The following KAT6B variants were observed in gnomAD, a reference collection of about 807,000 sequenced individuals.
KAT6B encodes the protein histone acetyltransferase KAT6B.
KAT6B carries 10 observed loss-of-function variants against 187.5 expected under a neutral mutation model. The observed-to-expected ratio is 0.05, with a 90% confidence interval of 0.03 to 0.09. KAT6B has a LOEUF of 0.09. Among genes scored for constraint, KAT6B ranks in the 10% least tolerant of loss-of-function variants. The pLI, the probability that KAT6B is intolerant of heterozygous loss-of-function variation, is 1.00. For synonymous variants in KAT6B, 861 were observed against 926.8 expected (o/e 0.93, Z 1.29); for missense variants, 1,952 against 2,558.9 (o/e 0.76, Z 5.12).
intron 3 of KAT6B, among the ~76,000 whole-genome samples, chr10:74,949,804 A>G (rs924224513): frequency 1.1e-4 from 17 of 152,196 alleles, no homozygotes; most frequent in Non-Finnish European, 2.2e-4. Flanking sequence ...TAAATGAAAA[A>G]AGAAGCGATG....
chr10:74,967,392 G>A (rs1161097549), intron 4 of KAT6B, among the ~76,000 whole-genome samples: 2 of 152,096 alleles, frequency 1.3e-5, no homozygotes, highest in African/African-American at 4.8e-5. Flanking sequence ...CGCTAAACCA[G>A]AGGTAAGGAA....
intron 4 of KAT6B, among the ~76,000 whole-genome samples, chr10:74,961,581 T>C (rs1841098886): frequency 6.6e-6 from 1 of 152,216 alleles, no homozygotes; most frequent in South Asian, 2.1e-4. Flanking sequence ...CATTATCTTC[T>C]AGATCATAAC....
chr10:74,950,918 G>C (rs1035444798), intron 3 of KAT6B, among the ~76,000 whole-genome samples: 29 of 152,132 alleles, frequency 1.9e-4, no homozygotes, highest in African/African-American at 6.5e-4. Flanking sequence ...TTCGAGATCA[G>C]CCTGGGCAAC....
chr10:74,874,911 A>AG (rs1844296876), intron 3 of KAT6B, among the ~76,000 whole-genome samples: 1 of 151,924 alleles, frequency 6.6e-6, no homozygotes, highest in Non-Finnish European at 1.5e-5. Context: ...ATTGAGTGGA[A>AG]GGGGCAGAGA....
intron 13 of KAT6B, among the ~76,000 whole-genome samples, chr10:74,996,072 CAT>C (rs750132395): frequency 2.0e-5 from 3 of 152,192 alleles, no homozygotes; most frequent in Non-Finnish European, 4.4e-5. Flanking sequence ...CCATCACTCA[CAT>C]GTGTGTTTGT....
chr10:74,987,441 G>C (rs1256725448), intron 12 of KAT6B, among the ~76,000 whole-genome samples: 1 of 151,726 alleles, frequency 6.6e-6, no homozygotes, highest in South Asian at 2.1e-4. Context: ...AAAAAAAAAA[G>C]ACTAGATGAA....
At position 75,030,131 on chromosome 10, in the gene KAT6B, C is replaced by G. The variant is rs754861593; in HGVS notation, c.5307C>G (p.Cys1769Trp). Reference protein sequence around the residue: ...PPSSSQQLAQCSMAANFTPPM... With the variant: ...PPSSSQQLAQWSMAANFTPPM... ...GCAGCAGCCAGCAGCTGGCTCAGTG[C>G]AGCATGGCTGCTAACTTCACCCCAC... Residue 1769 changes from cysteine to tryptophan, a missense_variant, in exon 18 of 18, where the codon TGC becomes TGG. By Grantham distance (215) the Cys-to-Trp change is radical. Around this residue, in one of 9 missense-constraint regions of KAT6B, gnomAD observed 358 missense variants for 436.3 expected, o/e 0.82. Transcript: ENST00000287239. This position sits in a 1 kb window ranked among gnomAD's most constrained non-coding sequence, Gnocchi z 4.8. 1 of 1,614,262 alleles carries G rather than the reference C, an allele frequency of 6.2e-7. No individual in the cohort carries two copies. Among genetic ancestry groups the G allele is most frequent in the East Asian group, 2.2e-5 (1 of 44,886 alleles).
In KAT6B at chr10:74,958,202, A is replaced by AT. The variant is rs937594320; in HGVS notation, c.622-1760dup. The stretch of plus-strand genomic sequence containing the variant: ...TTTGTTGGAATCATTATAACCATTG[A>AT]TTTTTTTTGTTCTTAACTAGCATAT... On this transcript the variant is annotated intron_variant, in intron 3 of 17. Coordinates refer to ENST00000287239, the MANE Select transcript of KAT6B (RefSeq NM_012330.4). Among the ~76,000 whole-genome samples, 22 of 152,096 alleles carry AT rather than the reference A, an allele frequency of 1.4e-4. No homozygotes were observed. In the South Asian group the frequency reaches 1.5e-3, roughly 10 times the overall value.
intron 3 of KAT6B, among the ~76,000 whole-genome samples, chr10:74,920,303 G>T (rs1274878384): frequency 6.6e-6 from 1 of 152,128 alleles, no homozygotes; most frequent in Non-Finnish European, 1.5e-5. Flanking sequence ...TACAATAGGG[G>T]TTGGTATCCT....
Position 74,975,924 on chromosome 10 carries a change from C to A in KAT6B, c.1587C>A (p.Pro529=). Residue 529 remains proline, a synonymous_variant, in exon 8 of 18, where the codon CCC becomes CCA. Coordinates refer to ENST00000287239, the MANE Select transcript of KAT6B (RefSeq NM_012330.4). Reference sequence around the variant, plus strand: ...GTTCTTCCAGCCAGTGCAGTGTGCCCTCCCTGAGCAGCCTTACCACTAACA... The same window carrying A: ...GTTCTTCCAGCCAGTGCAGTGTGCCATCCCTGAGCAGCCTTACCACTAACA... The part of the protein sequence containing the change: ...PQSSSSQCSV[P]SLSSLTTNSQ... The A allele has an allele frequency of 6.2e-7, 1 of 1,614,160 alleles. No homozygotes were observed. Among genetic ancestry groups the A allele is most frequent in the Non-Finnish European group, 8.5e-7 (1 of 1,180,026 alleles).
chr10:74,883,955 C>A (rs2132552082), intron 3 of KAT6B, among the ~76,000 whole-genome samples: 1 of 152,234 alleles, frequency 6.6e-6, no homozygotes, highest in African/African-American at 2.4e-5. Flanking sequence ...TCCTAGGAGT[C>A]TATAAAAGGA....
At chr10:74,854,080 A>C (rs1336453124) in intron 3 of KAT6B, among the ~76,000 whole-genome samples, 1 of 152,250 alleles carries the variant, frequency 6.6e-6, no homozygotes, top group Non-Finnish European at 1.5e-5. Context: ...TTAAAATATG[A>C]ACCTGAATCT....
chr10:74,830,106 A>G (rs1301246268), intron 1 of KAT6B, among the ~76,000 whole-genome samples: 1 of 152,088 alleles, frequency 6.6e-6, no homozygotes, highest in Admixed American at 6.6e-5. Context: ...CAGAATGGTA[A>G]ATGATGCGTG....
chr10:74,980,390 G>A (rs547149259), intron 10 of KAT6B, among the ~76,000 whole-genome samples: 71 of 151,394 alleles, frequency 4.7e-4, no homozygotes, highest in Non-Finnish European at 4.7e-4. Context: ...ATTTTTTTTC[G>A]TTAGCATGTG....
At position 74,871,583 on chromosome 10, in the gene KAT6B, G is replaced by A. The variant is rs139710728; in HGVS notation, c.621+28105G>A. Among the ~76,000 whole-genome samples, 341 of 152,342 alleles carry A rather than the reference G, an allele frequency of 2.2e-3. 1 individual carries two copies. The highest frequency in any genetic ancestry group is 7.8e-3 in the African/African-American group (325 of 41,582). On this transcript the variant is annotated intron_variant, in intron 3 of 17. Transcript: ENST00000287239. The stretch of plus-strand genomic sequence containing the variant: ...ATGGTGGCTAATGCCTATAATCCCA[G>A]CACTTAGGGAGGCTAAGACAGGAGG...
At chr10:75,027,133 C>T (rs1259321806) in intron 17 of KAT6B, among the ~76,000 whole-genome samples, 7 of 152,060 alleles carry the variant, frequency 4.6e-5, no homozygotes, top group African/African-American at 9.7e-5. Context: ...AGCAAGACTC[C>T]GTCTCAAAAA....
rs1841852525 is a variant in KAT6B, at chr10:74,843,018, G to A, written c.161G>A (p.Ser54Asn). ...KKTVSEQLEL[S>N]VQDGSVLKVT... Reference sequence around the variant, plus strand: ...ACAGTCTCTGAACAGCTGGAACTCAGTGTTCAGGATGGCTCAGTTCTCAAA... The same window carrying A: ...ACAGTCTCTGAACAGCTGGAACTCAATGTTCAGGATGGCTCAGTTCTCAAA... The change falls in exon 3 of 18, where the codon AGT (serine) becomes AAT (asparagine). Residue 54 changes from serine to asparagine, a missense_variant. Physicochemically the swap from Ser to Asn is conservative, Grantham distance 46. This residue lies in a region of KAT6B where 218 missense variants were observed against 282.6 expected (regional missense o/e 0.77). Coordinates refer to ENST00000287239, the MANE Select transcript of KAT6B (RefSeq NM_012330.4). The A allele has an allele frequency of 1.2e-6, 2 of 1,614,178 alleles. No individual in the cohort carries two copies. The highest frequency in any genetic ancestry group is 1.3e-5 in the African/African-American group (1 of 75,048).
upstream of KAT6B, chr10:74,825,441 G>C (rs978882236): frequency 2.6e-5 from 4 of 151,476 alleles, no homozygotes; most frequent in Admixed American, 6.6e-5. This position sits in a 1 kb window ranked among gnomAD's most constrained non-coding sequence, Gnocchi z 5.0. Context: ...GGGCGGCGCG[G>C]GGGGAGCGGG....
chr10:74,978,064 C>T (rs180994667), intron 9 of KAT6B, among the ~76,000 whole-genome samples: 2 of 152,298 alleles, frequency 1.3e-5, no homozygotes, highest in Admixed American at 6.5e-5. Flanking sequence ...TGACTACATT[C>T]GGTTTCTATG....
Sources: gnomAD v4.1 joint callset for allele counts (sites outside exome capture counted in the v4.1 genomes callset) on GRCh38, gnomAD v4.1.1 for gene constraint, gnomAD v4.1.1 regional missense constraint, Gnocchi (gnomAD v3.1) non-coding constraint, MANE v1.5 for transcripts, NCBI Gene and HGNC (gene_info 2026-07-23, HGNC 2026-07-21) for gene names.